BMS1: variants seen among roughly 807,000 people sequenced by gnomAD.
The protein encoded by BMS1 is ribosome biogenesis protein BMS1 homolog.
A neutral mutation model predicts 138.7 loss-of-function variants in BMS1; 53 were observed. The observed-to-expected ratio is 0.38, with a 90% CI of 0.31 to 0.48. The LOEUF (loss-of-function observed/expected upper bound fraction) is 0.48, where lower values mean the gene tolerates loss of function less well. Among genes scored for constraint, BMS1 ranks in the 20% least tolerant of loss-of-function variants. BMS1 has a pLI of 0.97. For missense variants in BMS1, 1,360 were observed against 1,565.5 expected (o/e 0.87, Z 2.22); for synonymous variants, 504 against 539.9 (o/e 0.93, Z 0.92).
chr10:42,818,930 T>A (rs568007113), intron 15 of BMS1, among the ~76,000 whole-genome samples: 1 of 152,280 alleles, frequency 6.6e-6, no homozygotes, highest in East Asian at 1.9e-4. Flanking sequence ...ATTGTTCAGA[T>A]CCTGCTGCCA....
intron 15 of BMS1, among the ~76,000 whole-genome samples, chr10:42,819,005 A>G (rs1352433384): frequency 6.6e-6 from 1 of 152,222 alleles, no homozygotes; most frequent in Non-Finnish European, 1.5e-5. Context: ...GCCTTCAGCA[A>G]TCTTGGCAAG....
Position 42,798,962 on chromosome 10 carries a change from A to G in BMS1, c.2247+337A>G, listed in dbSNP as rs1841787293. On this transcript the variant is annotated intron_variant, in intron 12 of 22. Coordinates refer to ENST00000374518, the MANE Select transcript of BMS1 (RefSeq NM_014753.4). ...ATATATGTAGCATCCCTGAGTTAAC[A>G]TTTATAGTTTCTGCTATTTGTAAGC... 2.0e-5 allele frequency among the ~76,000 whole-genome samples: 3 copies of G among 152,170 alleles called. No individual in the cohort carries two copies. In the South Asian group the frequency reaches 6.2e-4, roughly 31 times the overall value.
chr10:42,801,057 T>C (rs926383647), intron 12 of BMS1, among the ~76,000 whole-genome samples: 4 of 152,230 alleles, frequency 2.6e-5, no homozygotes, highest in African/African-American at 9.6e-5. Flanking sequence ...ATTCTTGCTC[T>C]ATGATATGAG....
rs569488050 is a variant in BMS1 at position 42,783,037 on chromosome 10, G to C, written c.-34+207G>C. On this transcript the variant is annotated intron_variant, in intron 1 of 22. Transcript: ENST00000374518. The stretch of plus-strand genomic sequence containing the variant: ...TGAATCCCTGCAGAGAGCCCAGACG[G>C]GGAGGGAAGGTGGCTGGGCGACGTC... Among the ~76,000 whole-genome samples, 5 of 152,202 alleles carry C rather than the reference G, an allele frequency of 3.3e-5. No homozygotes were observed. In the East Asian group the frequency reaches 7.8e-4, roughly 24 times the overall value.
At position 42,792,525 on chromosome 10, in the gene BMS1, G is replaced by A. The variant is rs368321000; in HGVS notation, c.812G>A (p.Arg271Gln). Residue 271 changes from arginine to glutamine, a missense_variant, in exon 7 of 23, where the codon CGA becomes CAA. Arg to Gln is a conservative substitution (Grantham distance 43). Coordinates refer to ENST00000374518, the MANE Select transcript of BMS1 (RefSeq NM_014753.4). ...GATTTGACAAACCCAGAGGATATCCGAACAAACATCAAATGTGACCGGAAG... is the reference window on the plus strand; with the variant it reads ...GATTTGACAAACCCAGAGGATATCCAAACAAACATCAAATGTGACCGGAAG... ...MEDLTNPEDI[R>Q]TNIKCDRKVS... 3.2e-5 allele frequency: 51 copies of A among 1,611,496 alleles called. No individual in the cohort carries two copies. Among genetic ancestry groups the A allele is most frequent in the Non-Finnish European group, 3.7e-5 (44 of 1,179,756 alleles).
At position 42,796,743 on chromosome 10, in the gene BMS1, C is replaced by T. The variant is rs1841697786; in HGVS notation, c.1499C>T (p.Ala500Val). 6.2e-7 allele frequency: 1 copy of T among 1,614,168 alleles called. No homozygotes were observed. ...LEEDSEMDLP[A>V]FADSDDDLER... ...GAAGACAGTGAAATGGATTTGCCAG[C>T]ATTTGCTGACAGTGACGATGACCTT... Residue 500 changes from alanine to valine, a missense_variant, in exon 10 of 23, where the codon GCA becomes GTA. Around this residue, in one of 3 missense-constraint regions of BMS1, gnomAD observed 697 missense variants for 686.2 expected, o/e 1.02. Transcript: ENST00000374518.
intron 3 of BMS1, among the ~76,000 whole-genome samples, chr10:42,786,701 C>T (rs1841341396): frequency 1.3e-5 from 2 of 152,046 alleles, no homozygotes; most frequent in African/African-American, 2.4e-5. Flanking sequence ...GCTGGGACTA[C>T]AGGCGAGAGC....
At chr10:42,804,759 T>C (rs1387346223) in intron 13 of BMS1, among the ~76,000 whole-genome samples, 1 of 151,660 alleles carries the variant, frequency 6.6e-6, no homozygotes. Context: ...GGAGTCTTGC[T>C]CTGTCTCCCA....
intron 13 of BMS1, among the ~76,000 whole-genome samples, chr10:42,808,876 A>G (rs1048983695): frequency 3.3e-5 from 5 of 152,204 alleles, no homozygotes; most frequent in African/African-American, 9.6e-5. Flanking sequence ...TCCCTTGGCC[A>G]GTACCACCCT....
rs554591996 is a variant in BMS1 at position 42,811,350 on chromosome 10, G to C, written c.2330-5249G>C. Among the ~76,000 whole-genome samples the C allele has an allele frequency of 1.2e-3, 183 of 150,356 alleles. 1 individual carries two copies. Among genetic ancestry groups the C allele is most frequent in the Middle Eastern group, 7.0e-3 (2 of 284 alleles). On this transcript the variant is annotated intron_variant, in intron 13 of 22. Coordinates refer to ENST00000374518, the MANE Select transcript of BMS1 (RefSeq NM_014753.4). ...GAGCCACCACATCCGGCCAATTTCT[G>C]CCCCTTATTATTTCTATTCTTCTGC...
At chr10:42,785,069 T>C (rs1192220479) in intron 2 of BMS1, among the ~76,000 whole-genome samples, 1 of 152,172 alleles carries the variant, frequency 6.6e-6, no homozygotes, top group Admixed American at 6.5e-5. Context: ...ACAAGTTACC[T>C]CCAATCATAT....
intron 13 of BMS1, among the ~76,000 whole-genome samples, chr10:42,806,606 A>G (rs1234639618): frequency 6.6e-6 from 1 of 152,048 alleles, no homozygotes; most frequent in Admixed American, 6.6e-5. Flanking sequence ...GTGGTGGCAC[A>G]CGCCCGTAAT....
chr10:42,816,388 A>C lies in BMS1; in HGVS notation c.2330-211A>C, dbSNP rs140589306. Reference sequence around the variant, plus strand: ...TTTGATGTGAAGTGCGGAAATGTGGATTGGGTCCATTTAGTTTACCTAAAC... The same window carrying C: ...TTTGATGTGAAGTGCGGAAATGTGGCTTGGGTCCATTTAGTTTACCTAAAC... On this transcript the variant is annotated intron_variant, in intron 13 of 22. Coordinates refer to ENST00000374518, the MANE Select transcript of BMS1 (RefSeq NM_014753.4). Among the ~76,000 whole-genome samples the C allele has an allele frequency of 6.3e-3, 955 of 152,270 alleles. 7 individuals are homozygous for C. The highest frequency in any genetic ancestry group is 0.022 in the African/African-American group (918 of 41,554).
chr10:42,815,219 G>A (rs79140875), intron 13 of BMS1, among the ~76,000 whole-genome samples: 1 of 152,160 alleles, frequency 6.6e-6, no homozygotes, highest in African/African-American at 2.4e-5. Flanking sequence ...TTATTCAGTA[G>A]ATAATATTTA....
intron 4 of BMS1, among the ~76,000 whole-genome samples, chr10:42,789,719 GT>G (rs967159400): frequency 1.3e-5 from 2 of 150,286 alleles, no homozygotes; most frequent in South Asian, 2.1e-4. Context: ...ACAGATTGTG[GT>G]TTTTTTTTCT....
At chr10:42,799,533 C>T (rs937364183) in intron 12 of BMS1, among the ~76,000 whole-genome samples, 10 of 152,290 alleles carry the variant, frequency 6.6e-5, no homozygotes, top group East Asian at 1.9e-4. Context: ...TATTGTAATT[C>T]GCCAGATAAC....
Position 42,796,575 on chromosome 10 carries a change from A to T in BMS1, c.1331A>T (p.Asp444Val). Residue 444 changes from aspartate (D) to valine (V), a missense_variant, in exon 10 of 23, where the codon GAT becomes GTT. Asp to Val is a radical substitution (Grantham distance 152, BLOSUM62 -3). Transcript: ENST00000374518. ...GDEDESGDSD[D>V]EEDDEMSEDD... ...GAAGATGAATCTGGAGATAGTGATG[A>T]TGAAGAAGATGATGAAATGTCTGAA... The T allele has an allele frequency of 1.2e-6, 2 of 1,614,212 alleles. No individual in the cohort carries two copies. Among genetic ancestry groups the T allele is most frequent in the Non-Finnish European group, 1.7e-6 (2 of 1,180,034 alleles).
intron 12 of BMS1, among the ~76,000 whole-genome samples, chr10:42,801,453 T>C (rs934124984): frequency 3.3e-5 from 5 of 152,252 alleles, no homozygotes; most frequent in African/African-American, 1.2e-4. Flanking sequence ...GCCATTTTAC[T>C]TACCCACTGG....
intron 21 of BMS1, among the ~76,000 whole-genome samples, chr10:42,826,418 A>G (rs1842647904): frequency 6.6e-6 from 1 of 152,198 alleles, no homozygotes; most frequent in Non-Finnish European, 1.5e-5. Flanking sequence ...TGGGAGTGAC[A>G]TAATAGTGAC....
Sources: gnomAD v4.1 joint callset for allele counts (sites outside exome capture counted in the v4.1 genomes callset) on GRCh38, gnomAD v4.1.1 for gene constraint, gnomAD v4.1.1 regional missense constraint, MANE v1.5 for transcripts, NCBI Gene and HGNC (gene_info 2026-07-23, HGNC 2026-07-21) for gene names.